The following SPOCK3 variants were observed in gnomAD, a reference collection of about 807,000 sequenced individuals.
SPOCK3 encodes SPARC (osteonectin), cwcv and kazal like domains proteoglycan 3, also known as testican-3.
Under a neutral mutation model 56.6 loss-of-function variants are expected in SPOCK3, and 30 were observed. That is an observed-to-expected ratio of 0.53 (90% CI 0.40 to 0.72). SPOCK3 has a LOEUF of 0.72. SPOCK3 is among the 30% of genes least tolerant of loss of function. The pLI is 0.00. For synonymous variants in SPOCK3, 196 were observed against 183.3 expected (o/e 1.07, Z -0.56); for missense variants, 527 against 530.0 (o/e 0.99, Z 0.06).
intron 5 of SPOCK3, among the ~76,000 whole-genome samples, chr4:166,904,076 A>G (rs1437044577): frequency 6.6e-6 from 1 of 151,822 alleles, no homozygotes; most frequent in Non-Finnish European, 1.5e-5. Context: ...TTAATTACAT[A>G]TTATGCAAAA....
chr4:167,057,050 C>T lies in SPOCK3; in HGVS notation c.235+5442G>A, dbSNP rs193027023. On this transcript the variant is annotated intron_variant, in intron 3 of 10. Transcript: ENST00000357545. The stretch of plus-strand genomic sequence containing the variant: ...GCATCCAGAGAGAAAGGTCAGGTTA[C>T]CCACAAAGGGAAGCCCATCAGACTA... 6.2e-3 allele frequency among the ~76,000 whole-genome samples: 938 copies of T among 152,240 alleles called. 10 individuals carry two copies. The highest frequency in any genetic ancestry group is 0.022 in the African/African-American group (907 of 41,550).
chr4:167,077,008 G>A (rs1175772087), intron 2 of SPOCK3, among the ~76,000 whole-genome samples: 1 of 151,722 alleles, frequency 6.6e-6, no homozygotes, highest in African/African-American at 2.4e-5. Context: ...GTAAAACTAT[G>A]CATGGAATTG....
At position 167,223,073 on chromosome 4, in the gene SPOCK3, ATTTT is replaced by A. The variant is rs1280503785; in HGVS notation, c.189+10908_189+10911del. Among the ~76,000 whole-genome samples the A allele has an allele frequency of 1.1e-3, 124 of 111,188 alleles. 1 individual carries two copies. The highest frequency in any genetic ancestry group is 1.7e-3 in the African/African-American group (45 of 26,356). 72.9% of individuals were successfully genotyped at this position (111,188 alleles called of 152,430 possible). A position where few individuals can be genotyped will look rare whatever the true frequency, so the allele number is the denominator to read the frequency against. The stretch of plus-strand genomic sequence containing the variant: ...ATATATATTTTATATATGAATATAT[ATTTT>A]ATATATGAATATATATTTTATATAT... On this transcript the variant is annotated intron_variant, in intron 2 of 10. Coordinates refer to ENST00000357545, the MANE Select transcript of SPOCK3 (RefSeq NM_001040159.2).
intron 2 of SPOCK3, among the ~76,000 whole-genome samples, chr4:167,083,420 G>A (rs7677876): frequency 0.062 from 9,467 of 152,148 alleles, 468 homozygotes; most frequent in African/African-American, 0.14. Flanking sequence ...GAAGCCCACT[G>A]ACGTGGCCTT....
chr4:167,102,507 A>T (rs1759737813), intron 2 of SPOCK3: 1 of 151,804 alleles, frequency 6.6e-6, no homozygotes, highest in South Asian at 2.1e-4. Flanking sequence ...TGCTTATACT[A>T]CTCCTCCCCC....
At chr4:166,872,055 T>TACAC (rs375568982) in intron 6 of SPOCK3, among the ~76,000 whole-genome samples, 10,890 of 148,990 alleles carry the variant, frequency 0.073, 466 homozygotes, top group Non-Finnish European at 0.099. Context: ...CACACAAACA[T>TACAC]ACACACACAC....
intron 2 of SPOCK3, among the ~76,000 whole-genome samples, chr4:167,152,355 A>T (rs1764499163): frequency 6.6e-6 from 1 of 152,222 alleles, no homozygotes; most frequent in Admixed American, 6.5e-5. Context: ...GAGCCGCAAA[A>T]TGATTAAGGA....
At chr4:167,047,118 T>C (rs1189205596) in intron 3 of SPOCK3, among the ~76,000 whole-genome samples, 1 of 152,198 alleles carries the variant, frequency 6.6e-6, no homozygotes, top group Non-Finnish European at 1.5e-5. Flanking sequence ...GGCAGGCATT[T>C]CTGAAGATAA....
At chr4:166,849,416 A>G (rs1274508392) in intron 6 of SPOCK3, among the ~76,000 whole-genome samples, 1 of 151,882 alleles carries the variant, frequency 6.6e-6, no homozygotes, top group Admixed American at 6.6e-5. Flanking sequence ...TTTTTTTGTC[A>G]TTAAAAGTAA....
intron 2 of SPOCK3, among the ~76,000 whole-genome samples, chr4:167,172,241 CA>C (rs1730567969): frequency 6.6e-6 from 1 of 152,230 alleles, no homozygotes; most frequent in South Asian, 2.1e-4. Flanking sequence ...AAATCAGAAC[CA>C]AAGTTCATAA....
chr4:167,227,455 T>C (rs1561346792), intron 2 of SPOCK3, among the ~76,000 whole-genome samples: 1 of 152,150 alleles, frequency 6.6e-6, no homozygotes, highest in Non-Finnish European at 1.5e-5. Context: ...TAATGTCACC[T>C]CATTTAGTAA....
At chr4:167,172,969 C>T (rs12649233) in intron 2 of SPOCK3, among the ~76,000 whole-genome samples, 27,897 of 151,838 alleles carry the variant, frequency 0.18, 2,804 homozygotes, top group Admixed American at 0.26. Flanking sequence ...CCTCTTATTT[C>T]TCTTTCATAT....
intron 6 of SPOCK3, among the ~76,000 whole-genome samples, chr4:166,794,384 T>G (rs1007237240): frequency 6.6e-6 from 1 of 152,010 alleles, no homozygotes; most frequent in East Asian, 1.9e-4. Context: ...GCATACATAC[T>G]TGTGTAAGCG....
intron 4 of SPOCK3, among the ~76,000 whole-genome samples, chr4:166,956,727 C>A (rs772475933): frequency 2.0e-5 from 3 of 152,088 alleles, no homozygotes; most frequent in Non-Finnish European, 4.4e-5. Context: ...TCTAAGCCCA[C>A]TCCCTCTCAT....
chr4:166,852,564 C>A (rs997927537), intron 6 of SPOCK3, among the ~76,000 whole-genome samples: 12 of 152,282 alleles, frequency 7.9e-5, no homozygotes, highest in African/African-American at 2.2e-4. Context: ...GCATTCTTTT[C>A]TGATAAGAGA....
chr4:166,809,266 T>A (rs1170220659), intron 6 of SPOCK3, among the ~76,000 whole-genome samples: 1 of 151,880 alleles, frequency 6.6e-6, no homozygotes, highest in Non-Finnish European at 1.5e-5. Flanking sequence ...CCCCTACTAT[T>A]CTTATAAAGT....
chr4:167,149,460 A>T (rs978153958), intron 2 of SPOCK3, among the ~76,000 whole-genome samples: 6 of 152,142 alleles, frequency 3.9e-5, no homozygotes, highest in African/African-American at 1.4e-4. Flanking sequence ...CAAAAGAAGT[A>T]TGCCAATGGG....
At chr4:167,143,213 C>T (rs1427643012) in intron 2 of SPOCK3, among the ~76,000 whole-genome samples, 22 of 151,616 alleles carry the variant, frequency 1.5e-4, no homozygotes, top group Admixed American at 1.4e-3. Flanking sequence ...GTCCAATAGA[C>T]CACACATCCC....
chr4:167,068,516 T>C (rs1349446532), intron 2 of SPOCK3, among the ~76,000 whole-genome samples: 1 of 151,688 alleles, frequency 6.6e-6, no homozygotes, highest in African/African-American at 2.4e-5. Context: ...AATTATATCA[T>C]GTAAAAATAA....
Sources: gnomAD v4.1 joint callset for allele counts (sites outside exome capture counted in the v4.1 genomes callset) on GRCh38, gnomAD v4.1.1 for gene constraint, MANE v1.5 for transcripts, NCBI Gene and HGNC (gene_info 2026-07-23, HGNC 2026-07-21) for gene names.